ANKRD55: variants seen among roughly 807,000 people sequenced by gnomAD.
ANKRD55 encodes the protein ankyrin repeat domain-containing protein 55.
In ANKRD55, 41 loss-of-function variants were observed where a neutral mutation model predicts 60.6. The ratio of observed to expected loss-of-function variants is 0.68; its 90% CI spans 0.53 to 0.88. The LOEUF (loss-of-function observed/expected upper bound fraction) is 0.88. Ranked by LOEUF, ANKRD55 falls within the 40% of genes least tolerant of loss-of-function variation. The pLI is 0.00. For missense variants in ANKRD55, 732 were observed against 767.6 expected (o/e 0.95, Z 0.55); for synonymous variants, 264 against 290.3 (o/e 0.91, Z 0.92).
At position 56,207,318 on chromosome 5, in the gene ANKRD55, G is replaced by T. The variant is rs1427299362; in HGVS notation, c.59-23684C>A. Among the ~76,000 whole-genome samples, 8 of 152,338 alleles carry T rather than the reference G, an allele frequency of 5.3e-5. No individual in the cohort carries two copies. The East Asian group carries it at 1.5e-3, about 29-fold the overall frequency. ...AGAATGGAGAAATCCTTGTTGATCT[G>T]AGGGCATAGAAAGATTTTAACATTT... is the stretch of plus-strand genomic sequence containing the variant. On this transcript the variant is annotated intron_variant, in intron 2 of 11. Coordinates refer to ENST00000341048, the MANE Select transcript of ANKRD55 (RefSeq NM_024669.3).
intron 10 of ANKRD55, among the ~76,000 whole-genome samples, chr5:56,108,810 G>A (rs559462244): frequency 3.3e-5 from 5 of 152,226 alleles, no homozygotes; most frequent in South Asian, 2.1e-4. Context: ...AGGCCGAGGC[G>A]GACGGATCAC....
At chr5:56,224,711 G>A (rs1011059226) in intron 2 of ANKRD55, among the ~76,000 whole-genome samples, 5 of 151,976 alleles carry the variant, frequency 3.3e-5, no homozygotes, top group Admixed American at 3.3e-4. Flanking sequence ...ACACCTCTAC[G>A]CAAATAAACT....
intron 5 of ANKRD55, chr5:56,161,988 C>T: frequency 1.0e-6 from 1 of 985,426 alleles, no homozygotes; most frequent in Non-Finnish European, 1.2e-6. Context: ...TACCTTGTGA[C>T]TGTGCTTCTC....
intron 2 of ANKRD55, among the ~76,000 whole-genome samples, chr5:56,198,952 C>T (rs1254584311): frequency 5.3e-5 from 8 of 152,014 alleles, no homozygotes; most frequent in Admixed American, 6.6e-5. Flanking sequence ...TGGTGGCGGG[C>T]GCCTGTAGTC....
chr5:56,229,573 G>A (rs904664113), intron 2 of ANKRD55, among the ~76,000 whole-genome samples: 1 of 152,196 alleles, frequency 6.6e-6, no homozygotes, highest in African/African-American at 2.4e-5. Context: ...ATGTAACTAG[G>A]AAGAGGGCAG....
chr5:56,162,160 T>A (rs1758349018), intron 5 of ANKRD55: 4 of 361,182 alleles, frequency 1.1e-5, no homozygotes, highest in Non-Finnish European at 1.5e-5. Context: ...CAGACAGAGA[T>A]TATCTGTAGC....
chr5:56,176,372 T>C, intron 3 of ANKRD55, 90 bp from the exon 4 acceptor site: 1 of 1,497,980 alleles, frequency 6.7e-7, no homozygotes, highest in South Asian at 1.2e-5. Context: ...TATTTTGCTA[T>C]TTGCAATACA....
intron 6 of ANKRD55, among the ~76,000 whole-genome samples, chr5:56,152,749 G>A (rs1758087615): frequency 6.6e-6 from 1 of 152,064 alleles, no homozygotes; most frequent in South Asian, 2.1e-4. Flanking sequence ...AAGCAGTGTG[G>A]TTAATGAAAC....
chr5:56,207,214 G>T (rs1341203471), intron 2 of ANKRD55, among the ~76,000 whole-genome samples: 1 of 152,138 alleles, frequency 6.6e-6, no homozygotes, highest in Non-Finnish European at 1.5e-5. Flanking sequence ...ATGGAAACAG[G>T]CCTAACATCT....
chr5:56,143,956 G>T (rs200820464), intron 6 of ANKRD55, 27 bp from the exon 7 acceptor site: 1 of 1,613,102 alleles, frequency 6.2e-7, no homozygotes, highest in Non-Finnish European at 8.5e-7. Flanking sequence ...AGAGAGGACA[G>T]AGATGAGCAC....
intron 2 of ANKRD55, among the ~76,000 whole-genome samples, chr5:56,196,155 T>G (rs1759223424): frequency 6.6e-6 from 1 of 152,204 alleles, no homozygotes; most frequent in Non-Finnish European, 1.5e-5. Context: ...ATTTAATATT[T>G]CCGTGTCTCA....
intron 10 of ANKRD55, 104 bp downstream of exon 10, chr5:56,111,014 C>T (rs984655695): frequency 4.6e-5 from 62 of 1,360,072 alleles, no homozygotes; most frequent in Non-Finnish European, 2.5e-5. Context: ...TTTATTCTCA[C>T]CCTGCCTTCT....
At chr5:56,219,134 A>G (rs1759897274) in intron 2 of ANKRD55, among the ~76,000 whole-genome samples, 1 of 151,970 alleles carries the variant, frequency 6.6e-6, no homozygotes, top group Non-Finnish European at 1.5e-5. Flanking sequence ...TTAGCCAGGC[A>G]TGGTGGCAGG....
intron 10 of ANKRD55, chr5:56,110,621 A>G (rs980376498): frequency 6.3e-6 from 1 of 158,598 alleles, no homozygotes; most frequent in Non-Finnish European, 1.4e-5. Context: ...ACCCTTTGGT[A>G]TGTGTTGAGA....
At chr5:56,176,099 A>G (rs1044688328) in intron 4 of ANKRD55, 53 bp downstream of exon 4, 1 of 1,606,098 alleles carries the variant, frequency 6.2e-7, no homozygotes, top group Non-Finnish European at 8.5e-7. Flanking sequence ...CCCCATAATG[A>G]CACCCTTCGC....
chr5:56,142,659 CT>C (rs1192931884), intron 7 of ANKRD55, among the ~76,000 whole-genome samples: 1 of 152,200 alleles, frequency 6.6e-6, no homozygotes, highest in African/African-American at 2.4e-5. Flanking sequence ...ACATGAGGAG[CT>C]TCCTGGGAGC....
chr5:56,182,678 T>C (rs547521858), intron 3 of ANKRD55, among the ~76,000 whole-genome samples: 2 of 152,302 alleles, frequency 1.3e-5, no homozygotes, highest in East Asian at 3.9e-4. Flanking sequence ...TATTATATTA[T>C]GAGATTCCTG....
At chr5:56,100,749 G>T (rs895216354) in intron 11 of ANKRD55, among the ~76,000 whole-genome samples, 1 of 152,168 alleles carries the variant, frequency 6.6e-6, no homozygotes, top group Non-Finnish European at 1.5e-5. Context: ...GTTGATCAAA[G>T]ATCTTTATCT....
rs1375585803 is a variant in ANKRD55 at position 56,131,791 on chromosome 5, G to A, written c.613-4685C>T. Among the ~76,000 whole-genome samples the A allele has an allele frequency of 5.7e-4, 28 of 48,906 alleles. 1 individual carries two copies. The highest frequency in any genetic ancestry group is 3.5e-4 in the Non-Finnish European group (10 of 28,504). 32.1% of individuals were successfully genotyped at this position (48,906 alleles called of 152,430 possible). On this transcript the variant is annotated intron_variant, in intron 7 of 11. Coordinates refer to ENST00000341048, the MANE Select transcript of ANKRD55 (RefSeq NM_024669.3). ...AGCCTGGGCAACAGAGCAAGACTCCGTCTCAAAAAAAAAAAAAAAAAAAAA... is the reference window on the plus strand; with the variant it reads ...AGCCTGGGCAACAGAGCAAGACTCCATCTCAAAAAAAAAAAAAAAAAAAAA...
Sources: gnomAD v4.1 joint callset for allele counts (sites outside exome capture counted in the v4.1 genomes callset) on GRCh38, gnomAD v4.1.1 for gene constraint, MANE v1.5 for transcripts, NCBI Gene and HGNC (gene_info 2026-07-23, HGNC 2026-07-21) for gene names.